SUGCT: variants seen among roughly 807,000 people sequenced by gnomAD.
SUGCT encodes succinyl-CoA:glutarate-CoA transferase, also known as succinyl-CoA:glutarate CoA-transferase.
SUGCT carries 41 observed loss-of-function variants against 55.0 expected under a neutral mutation model. The observed-to-expected ratio is 0.74, with a 90% CI of 0.58 to 0.97. The LOEUF is 0.97. Among genes scored for constraint, SUGCT ranks in the 50% least tolerant of loss-of-function variants. The pLI, the probability that SUGCT is intolerant of heterozygous loss-of-function variation, is 0.00. For missense variants in SUGCT, 568 were observed against 547.8 expected (o/e 1.04, Z -0.37); for synonymous variants, 187 against 200.4 (o/e 0.93, Z 0.56).
At chr7:40,410,305 C>T (rs12234460) in intron 9 of SUGCT, among the ~76,000 whole-genome samples, 16,930 of 151,912 alleles carry the variant, frequency 0.11, 1,389 homozygotes, top group East Asian at 0.48. Context: ...TTGAATACTA[C>T]AATATTTATT....
chr7:41,020,618 T>A, the SUGCT span, among the ~76,000 whole-genome samples: 1 of 152,208 alleles, frequency 6.6e-6, no homozygotes, highest in Non-Finnish European at 1.5e-5. Context: ...AAATTCAATG[T>A]TTTAATAAAC....
chr7:40,863,438 T>TA, downstream of SUGCT, among the ~76,000 whole-genome samples: 1 of 152,292 alleles, frequency 6.6e-6, no homozygotes, highest in South Asian at 2.1e-4. Context: ...GCTTTATAGA[T>TA]ATGAAACTTT....
intron 10 of SUGCT, among the ~76,000 whole-genome samples, chr7:40,452,783 A>G (rs1789260931): frequency 6.6e-6 from 1 of 152,216 alleles, no homozygotes; most frequent in African/African-American, 2.4e-5. Context: ...AAAATTAGAT[A>G]TGAAGATTCT....
chr7:40,272,628 G>A (rs1371972747), intron 7 of SUGCT, among the ~76,000 whole-genome samples: 2 of 150,578 alleles, frequency 1.3e-5, no homozygotes, highest in Non-Finnish European at 3.0e-5. Flanking sequence ...CTGTGGAATT[G>A]CTGGATCATA....
chr7:40,920,700 T>C, the SUGCT span, among the ~76,000 whole-genome samples: 1 of 152,204 alleles, frequency 6.6e-6, no homozygotes, highest in African/African-American at 2.4e-5. Context: ...AGATCTTCTA[T>C]TTGTCAATGT....
chr7:40,765,899 C>G (rs1288684575), intron 13 of SUGCT, among the ~76,000 whole-genome samples: 3 of 152,178 alleles, frequency 2.0e-5, no homozygotes, highest in Non-Finnish European at 4.4e-5. Flanking sequence ...TATCAAGCAT[C>G]ACCCTCTAAG....
the SUGCT span, among the ~76,000 whole-genome samples, chr7:40,921,804 G>A: frequency 3.9e-5 from 6 of 152,176 alleles, no homozygotes; most frequent in South Asian, 2.1e-4. Flanking sequence ...TTGTGTGGGT[G>A]TGTGCATGTA....
At chr7:40,853,377 GT>G in intron 13 of SUGCT, among the ~76,000 whole-genome samples, 1 of 151,760 alleles carries the variant, frequency 6.6e-6, no homozygotes, top group East Asian at 1.9e-4. Context: ...AGCTCTTTTT[GT>G]TTTTGAGACA....
intron 13 of SUGCT, among the ~76,000 whole-genome samples, chr7:40,825,850 C>T (rs1230351458): frequency 1.1e-4 from 16 of 152,136 alleles, no homozygotes; most frequent in Admixed American, 1.0e-3. Context: ...ACTCGTATTT[C>T]AATGTTAGTA....
intron 13 of SUGCT, among the ~76,000 whole-genome samples, chr7:40,839,287 G>A (rs1793155759): frequency 1.3e-5 from 2 of 152,082 alleles, no homozygotes; most frequent in Admixed American, 6.6e-5. Context: ...CTGTTGCTCA[G>A]GCTGGAGTGT....
the SUGCT span, among the ~76,000 whole-genome samples, chr7:41,021,436 T>G: frequency 6.6e-6 from 1 of 152,224 alleles, no homozygotes; most frequent in Non-Finnish European, 1.5e-5. Context: ...GAGGTGAATC[T>G]GTAATAGTTC....
At chr7:40,873,244 A>G in the SUGCT span, among the ~76,000 whole-genome samples, 2 of 152,232 alleles carry the variant, frequency 1.3e-5, no homozygotes, top group African/African-American at 4.8e-5. Context: ...ATTGGAAAAA[A>G]TTACTTTGCC....
chr7:40,438,484 G>A (rs1788294818), intron 9 of SUGCT, among the ~76,000 whole-genome samples: 1 of 152,102 alleles, frequency 6.6e-6, no homozygotes, highest in Non-Finnish European at 1.5e-5. Context: ...ATTTGTGTTT[G>A]GTTTCCCTAT....
chr7:40,772,941 C>G (rs1562994596), intron 13 of SUGCT, among the ~76,000 whole-genome samples: 2 of 152,050 alleles, frequency 1.3e-5, no homozygotes, highest in Admixed American at 6.6e-5. Flanking sequence ...TTTTGTATTC[C>G]ATGAAATTCT....
rs1242665810 is a variant in SUGCT, at chr7:40,578,539, C to CCTTCACCTGGAACATTTTTCCT, written c.1089+82159_1089+82180dup. Among the ~76,000 whole-genome samples the CCTTCACCTGGAACATTTTTCCT allele has an allele frequency of 2.7e-3, 417 of 152,240 alleles. 9 individuals carry two copies. Among genetic ancestry groups the CCTTCACCTGGAACATTTTTCCT allele is most frequent in the Non-Finnish European group, 3.4e-4 (23 of 68,018 alleles). The stretch of plus-strand genomic sequence containing the variant: ...TTGGAAGAGTTTGGTACTAGCTATT[C>CCTTCACCTGGAACATTTTTCCT]CTTCACCTGGAACATTTTTCCTCTT... On this transcript the variant is annotated intron_variant, in intron 12 of 13. Transcript: ENST00000335693.
intron 13 of SUGCT, among the ~76,000 whole-genome samples, chr7:40,788,841 A>C (rs1222085394): frequency 6.6e-6 from 1 of 152,250 alleles, no homozygotes; most frequent in Non-Finnish European, 1.5e-5. Context: ...ACAGAACCTG[A>C]GAAAATTCTT....
At chr7:40,902,722 A>C in the SUGCT span, among the ~76,000 whole-genome samples, 5 of 152,170 alleles carry the variant, frequency 3.3e-5, no homozygotes, top group African/African-American at 4.8e-5. Context: ...TATTTTCAAC[A>C]TGATTTTCAG....
At chr7:40,950,312 C>A in the SUGCT span, among the ~76,000 whole-genome samples, 24 of 152,216 alleles carry the variant, frequency 1.6e-4, no homozygotes, top group African/African-American at 5.5e-4. Flanking sequence ...ATTTTGTATC[C>A]TGAGACTTTG....
chr7:40,844,959 C>T (rs554160451), intron 13 of SUGCT, among the ~76,000 whole-genome samples: 168 of 152,326 alleles, frequency 1.1e-3, no homozygotes, highest in African/African-American at 3.6e-3. Context: ...ATGTACCAAT[C>T]TGTAAGCCTT....
Sources: gnomAD v4.1 joint callset for allele counts (sites outside exome capture counted in the v4.1 genomes callset) on GRCh38, gnomAD v4.1.1 for gene constraint, MANE v1.5 for transcripts, NCBI Gene and HGNC (gene_info 2026-07-23, HGNC 2026-07-21) for gene names.